CTNNA3: variants seen among roughly 807,000 people sequenced by gnomAD.
The protein encoded by CTNNA3 is catenin alpha-3.
CTNNA3 carries 76 observed loss-of-function variants against 95.7 expected under a neutral mutation model. The ratio of observed to expected loss-of-function variants is 0.79; its 90% CI spans 0.66 to 0.96. The LOEUF (loss-of-function observed/expected upper bound fraction) is 0.96. Ranked by LOEUF, CTNNA3 falls within the 40% of genes least tolerant of loss-of-function variation. The pLI is 0.00. For missense variants in CTNNA3, 1,191 were observed against 1,089.8 expected (o/e 1.09, Z -1.31); for synonymous variants, 431 against 374.4 (o/e 1.15, Z -1.74).
At chr10:67,097,627 A>G in intron 7 of CTNNA3, 2 of 1,612,534 alleles carry the variant, frequency 1.2e-6, no homozygotes, top group Non-Finnish European at 1.7e-6. Flanking sequence ...CTGGCATACG[A>G]CCAGCCCACA....
At chr10:67,651,983 A>G (rs1589535512) in intron 1 of CTNNA3, among the ~76,000 whole-genome samples, 1 of 152,372 alleles carries the variant, frequency 6.6e-6, no homozygotes, top group Middle Eastern at 3.4e-3. Flanking sequence ...TAACAAATAT[A>G]TCATAGACTG....
intron 11 of CTNNA3, among the ~76,000 whole-genome samples, chr10:66,392,096 C>T (rs1191322348): frequency 2.6e-5 from 4 of 151,800 alleles, no homozygotes; most frequent in Non-Finnish European, 5.9e-5. Context: ...CATTGGACTT[C>T]GTAAAAATTT....
intron 5 of CTNNA3, among the ~76,000 whole-genome samples, chr10:67,252,653 T>C (rs190154563): frequency 2.6e-5 from 4 of 152,296 alleles, no homozygotes; most frequent in East Asian, 1.9e-4. Context: ...GTGAATTACA[T>C]AGGCATTGTG....
In CTNNA3 at chr10:67,744,545, A is replaced by G. The variant is rs1035197551; in HGVS notation, c.-2+18889T>C. On this transcript the variant is annotated intron_variant, in intron 1 of 17. Transcript: ENST00000684154. ...TTACATGTTAGACCTAAAACCATAAAAACCCTAGAAGAAAACTTAGGCAAT... is the reference window on the plus strand; with the variant it reads ...TTACATGTTAGACCTAAAACCATAAGAACCCTAGAAGAAAACTTAGGCAAT... Among the ~76,000 whole-genome samples the G allele has an allele frequency of 2.2e-4, 33 of 151,378 alleles. 4 individuals carry two copies. Among genetic ancestry groups the G allele is most frequent in the Non-Finnish European group, 3.0e-5 (2 of 67,748 alleles).
intron 1 of CTNNA3, chr10:67,750,147 C>T: frequency 1.2e-6 from 1 of 851,210 alleles, no homozygotes; most frequent in Admixed American, 2.2e-5. Flanking sequence ...TCTTTAAGAG[C>T]TGTAACAGTT....
chr10:66,855,608 A>T (rs926128773), intron 7 of CTNNA3, among the ~76,000 whole-genome samples: 3 of 151,988 alleles, frequency 2.0e-5, no homozygotes, highest in African/African-American at 7.2e-5. Flanking sequence ...ATGGTGAATA[A>T]TATCACTGAC....
chr10:67,523,969 C>T (rs147426572), intron 4 of CTNNA3, among the ~76,000 whole-genome samples: 1,548 of 152,224 alleles, frequency 0.01, 10 homozygotes, highest in Non-Finnish European at 0.014. Flanking sequence ...CCATTTAACT[C>T]TAAAGCATGT....
At chr10:67,537,868 C>T (rs1002855348) in intron 4 of CTNNA3, among the ~76,000 whole-genome samples, 1 of 152,014 alleles carries the variant, frequency 6.6e-6, no homozygotes, top group African/African-American at 2.4e-5. Flanking sequence ...AACCAAGAAG[C>T]AAGTAACAGA....
intron 12 of CTNNA3, among the ~76,000 whole-genome samples, chr10:66,316,707 G>A (rs1191971516): frequency 6.6e-6 from 1 of 152,016 alleles, no homozygotes; most frequent in Non-Finnish European, 1.5e-5. Context: ...GGTGGGAATT[G>A]ATTTTCTCCC....
rs182797607 is a variant in CTNNA3, at chr10:66,093,962, A to T, written c.1977+9195T>A. ...AAATGTAGTGCTAAAAGAAGACAAC[A>T]TGTCCCCTGCTGTAATGGAGTTTAG... On this transcript the variant is annotated intron_variant, in intron 14 of 17. Transcript: ENST00000433211. 4.6e-5 allele frequency among the ~76,000 whole-genome samples: 7 copies of T among 152,220 alleles called. No homozygotes were observed. The East Asian group carries it at 1.4e-3, about 29-fold the overall frequency.
At chr10:66,035,199 A>G (rs956099072) in intron 15 of CTNNA3, among the ~76,000 whole-genome samples, 8 of 152,264 alleles carry the variant, frequency 5.3e-5, no homozygotes, top group Non-Finnish European at 1.0e-4. Flanking sequence ...GGGTAATTAG[A>G]TGGATAAATA....
At chr10:66,477,668 T>A (rs1839374803) in intron 11 of CTNNA3, among the ~76,000 whole-genome samples, 1 of 151,734 alleles carries the variant, frequency 6.6e-6, no homozygotes, top group South Asian at 2.1e-4. Flanking sequence ...TTTATAGTCA[T>A]CTTTATAGGT....
At chr10:67,075,050 C>T (rs2619655) in intron 7 of CTNNA3, among the ~76,000 whole-genome samples, 96,553 of 151,720 alleles carry the variant, frequency 0.64, 32,408 homozygotes, top group African/African-American at 0.86. Context: ...CAGCTTCTAA[C>T]AGTAAGTTTG....
chr10:66,545,067 G>T (rs1841994451), intron 10 of CTNNA3, among the ~76,000 whole-genome samples: 1 of 151,940 alleles, frequency 6.6e-6, no homozygotes, highest in Non-Finnish European at 1.5e-5. Context: ...TATGCAGAAG[G>T]AATACTAAAG....
chr10:66,370,115 A>T (rs1452496843), intron 12 of CTNNA3, among the ~76,000 whole-genome samples: 1 of 152,160 alleles, frequency 6.6e-6, no homozygotes, highest in East Asian at 1.9e-4. Flanking sequence ...TAGAGGAAAG[A>T]AAATCTAAGG....
chr10:67,710,454 G>A (rs568134628), intron 1 of CTNNA3, among the ~76,000 whole-genome samples: 2 of 152,288 alleles, frequency 1.3e-5, no homozygotes, highest in Non-Finnish European at 2.9e-5. Flanking sequence ...ACAGGAATGT[G>A]AGCTAGAAAC....
intron 7 of CTNNA3, among the ~76,000 whole-genome samples, chr10:66,865,213 C>CGTGTGTGTGTGTGTGT (rs3055786): frequency 3.5e-5 from 5 of 143,826 alleles, no homozygotes; most frequent in African/African-American, 1.1e-4. Context: ...TGTGTGTGTG[C>CGTGTGTGTGTGTGTGT]GTGTGTGTGT....
At chr10:66,286,892 A>T (rs1289073602) in intron 12 of CTNNA3, among the ~76,000 whole-genome samples, 1 of 151,952 alleles carries the variant, frequency 6.6e-6, no homozygotes. Flanking sequence ...CATTCTTCAG[A>T]TTCAGATTAT....
At chr10:66,385,635 C>CA (rs1439021058) in intron 11 of CTNNA3, among the ~76,000 whole-genome samples, 7 of 151,950 alleles carry the variant, frequency 4.6e-5, no homozygotes, top group African/African-American at 1.4e-4. Context: ...AGAGACACAA[C>CA]AAAAAAAGAG....
Sources: gnomAD v4.1 joint callset for allele counts (sites outside exome capture counted in the v4.1 genomes callset) on GRCh38, gnomAD v4.1.1 for gene constraint, MANE v1.5 for transcripts, NCBI Gene and HGNC (gene_info 2026-07-23, HGNC 2026-07-21) for gene names.